Variants in ACBD6 observed in about 807,000 individuals in gnomAD.
The protein encoded by ACBD6 is acyl-CoA-binding domain-containing protein 6.
A neutral mutation model predicts 37.2 loss-of-function variants in ACBD6; 28 were observed. That is an observed-to-expected ratio of 0.75 (90% confidence interval 0.56 to 1.03). ACBD6 has a LOEUF of 1.03. Among genes scored for constraint, ACBD6 ranks in the 50% least tolerant of loss-of-function variants. The pLI, the probability that ACBD6 is intolerant of heterozygous loss-of-function variation, is 0.00. For missense variants in ACBD6, 340 were observed against 337.4 expected (o/e 1.01, Z -0.06); for synonymous variants, 113 against 126.8 (o/e 0.89, Z 0.73).
downstream of ACBD6, chr1:180,288,202 A>G (rs971713777): frequency 3.2e-6 from 3 of 947,796 alleles, no homozygotes; most frequent in Non-Finnish European, 4.8e-6. Flanking sequence ...AATGTATGCA[A>G]GAAGAATGAA....
chr1:180,337,872 C>A (rs1383216953), intron 6 of ACBD6, among the ~76,000 whole-genome samples: 3 of 151,762 alleles, frequency 2.0e-5, no homozygotes, highest in Admixed American at 6.6e-5. Flanking sequence ...AGACAAACAG[C>A]CAAATCATGA....
chr1:180,307,517 ATTGT>A (rs1411984871), intron 7 of ACBD6, among the ~76,000 whole-genome samples: 1 of 152,218 alleles, frequency 6.6e-6, no homozygotes, highest in Non-Finnish European at 1.5e-5. Context: ...GTTTAATTAG[ATTGT>A]TTGTAACACA....
intron 6 of ACBD6, among the ~76,000 whole-genome samples, chr1:180,387,368 A>T (rs1459523887): frequency 6.6e-6 from 1 of 152,152 alleles, no homozygotes; most frequent in Non-Finnish European, 1.5e-5. Context: ...GTACTACCTT[A>T]TTATTGCTTT....
At chr1:180,381,191 C>T (rs564359033) in intron 6 of ACBD6, among the ~76,000 whole-genome samples, 6 of 152,090 alleles carry the variant, frequency 3.9e-5, no homozygotes, top group African/African-American at 1.4e-4. Flanking sequence ...CACCCAACAT[C>T]GCAGCACCCA....
chr1:180,407,957 C>T (rs1647692389), intron 5 of ACBD6, among the ~76,000 whole-genome samples: 1 of 152,160 alleles, frequency 6.6e-6, no homozygotes, highest in Non-Finnish European at 1.5e-5. Flanking sequence ...GTTATATTAT[C>T]ATCATCCTTC....
At chr1:180,308,966 C>T (rs1011325411) in intron 7 of ACBD6, among the ~76,000 whole-genome samples, 1 of 152,054 alleles carries the variant, frequency 6.6e-6, no homozygotes, top group African/African-American at 2.4e-5. Context: ...ACTAATAGAA[C>T]CTTTAAAATA....
intron 3 of ACBD6, among the ~76,000 whole-genome samples, chr1:180,489,416 TTCC>T (rs1049344540): frequency 4.4e-4 from 67 of 151,482 alleles, no homozygotes; most frequent in African/African-American, 1.6e-3. Context: ...AAAAATAAAA[TTCC>T]TCCTTACAAC....
rs75931714 is a variant in ACBD6, at chr1:180,436,936, A to G, written c.385-6674T>C. ...GATCAGGAACAAGGCAAGGATATCTATTCTCATCACTTCTATTCAAGATGG... is the reference window on the plus strand; with the variant it reads ...GATCAGGAACAAGGCAAGGATATCTGTTCTCATCACTTCTATTCAAGATGG... On this transcript the variant is annotated intron_variant, in intron 3 of 7. Coordinates refer to ENST00000367595, the MANE Select transcript of ACBD6 (RefSeq NM_032360.4). Among the ~76,000 whole-genome samples, 117 of 152,324 alleles carry G rather than the reference A, an allele frequency of 7.7e-4. 1 individual carries two copies. Among genetic ancestry groups the G allele is most frequent in the African/African-American group, 2.7e-3 (114 of 41,568 alleles).
chr1:180,440,312 T>C (rs1649229661), intron 3 of ACBD6, among the ~76,000 whole-genome samples: 1 of 152,136 alleles, frequency 6.6e-6, no homozygotes. Flanking sequence ...TTGCAATGTG[T>C]TGTTCAGCCT....
chr1:180,409,319 T>C (rs1484414374), intron 5 of ACBD6, among the ~76,000 whole-genome samples: 1 of 152,112 alleles, frequency 6.6e-6, no homozygotes, highest in Non-Finnish European at 1.5e-5. Context: ...AAACTACAAT[T>C]TAAAAAATCA....
intron 3 of ACBD6, among the ~76,000 whole-genome samples, chr1:180,486,372 C>G (rs1012849586): frequency 2.6e-5 from 4 of 152,214 alleles, no homozygotes; most frequent in Admixed American, 2.6e-4. Flanking sequence ...GTTTGCCATG[C>G]CATGGATAAT....
intron 6 of ACBD6, among the ~76,000 whole-genome samples, chr1:180,328,678 C>T (rs1015385893): frequency 1.3e-5 from 2 of 151,890 alleles, no homozygotes; most frequent in African/African-American, 4.8e-5. Context: ...GTGAGAAATT[C>T]GAAGTAGTAA....
intron 4 of ACBD6, among the ~76,000 whole-genome samples, chr1:180,426,523 C>T (rs1648588064): frequency 6.6e-6 from 1 of 152,136 alleles, no homozygotes; most frequent in African/African-American, 2.4e-5. Flanking sequence ...GAGGTTACTC[C>T]CTGTTATAAG....
At chr1:180,476,405 T>TA (rs760127867) in intron 3 of ACBD6, among the ~76,000 whole-genome samples, 36 of 152,098 alleles carry the variant, frequency 2.4e-4, no homozygotes, top group African/African-American at 5.5e-4. Flanking sequence ...TTTTTTTTTT[T>TA]AAAAAAAGAA....
chr1:180,466,803 G>A (rs923243744), intron 3 of ACBD6, among the ~76,000 whole-genome samples: 2 of 152,026 alleles, frequency 1.3e-5, no homozygotes, highest in East Asian at 1.9e-4. Flanking sequence ...TTGGTTCCCT[G>A]TCTGTGAAAA....
intron 7 of ACBD6, among the ~76,000 whole-genome samples, chr1:180,292,366 T>A (rs796753435): frequency 3.9e-5 from 6 of 152,310 alleles, no homozygotes; most frequent in African/African-American, 1.4e-4. Flanking sequence ...ATTATACACA[T>A]ACAAATCTTA....
chr1:180,333,372 T>G (rs1248565474), intron 6 of ACBD6, among the ~76,000 whole-genome samples: 4 of 152,194 alleles, frequency 2.6e-5, no homozygotes, highest in African/African-American at 4.8e-5. Context: ...GTGATATAGC[T>G]TTTGAAATAT....
exon 10 of ACBD6, chr1:180,275,301 G>A (rs1648960366): frequency 6.6e-6 from 1 of 152,322 alleles, no homozygotes; most frequent in Admixed American, 6.5e-5. Context: ...GAGTAGCCCT[G>A]GACCACCGCT....
chr1:180,380,969 A>T (rs1187423168), intron 6 of ACBD6, among the ~76,000 whole-genome samples: 1 of 152,170 alleles, frequency 6.6e-6, no homozygotes, highest in Non-Finnish European at 1.5e-5. Flanking sequence ...ACTGCCTACG[A>T]GAAACTCATC....
Sources: allele counts gnomAD v4.1 joint callset (sites outside exome capture counted in the v4.1 genomes callset), GRCh38; gene constraint gnomAD v4.1.1; transcripts MANE v1.5; gene names NCBI Gene and HGNC (gene_info 2026-07-23, HGNC 2026-07-21).